HIBADH: variants seen among roughly 807,000 people sequenced by gnomAD.
HIBADH encodes 3-hydroxyisobutyrate dehydrogenase, mitochondrial.
In HIBADH, 25 loss-of-function variants were observed where a neutral mutation model predicts 36.1. That is an observed-to-expected ratio of 0.69 (90% CI 0.50 to 0.97). The LOEUF is 0.97. Ranked by LOEUF, HIBADH falls within the 50% of genes least tolerant of loss-of-function variation. The pLI is 0.00. For missense variants in HIBADH, 421 were observed against 418.0 expected (o/e 1.01, Z -0.06); for synonymous variants, 160 against 149.5 (o/e 1.07, Z -0.51).
chr7:27,548,652 A>G (rs1242687548), intron 4 of HIBADH, among the ~76,000 whole-genome samples: 1 of 152,176 alleles, frequency 6.6e-6, no homozygotes, highest in Non-Finnish European at 1.5e-5. Flanking sequence ...AACTACTTGA[A>G]ATATGACCAT....
At chr7:27,552,880 T>C (rs980761567) in intron 4 of HIBADH, among the ~76,000 whole-genome samples, 3 of 152,330 alleles carry the variant, frequency 2.0e-5, no homozygotes, top group South Asian at 2.1e-4. Flanking sequence ...AATTGATAAA[T>C]AGAGCTCTGC....
intron 6 of HIBADH, among the ~76,000 whole-genome samples, chr7:27,536,055 G>A (rs1204978446): frequency 6.6e-6 from 1 of 152,048 alleles, no homozygotes. Flanking sequence ...TACTTTGCGG[G>A]AATTTACTAC....
At chr7:27,622,617 A>G (rs1481088026) in intron 4 of HIBADH, among the ~76,000 whole-genome samples, 1 of 152,186 alleles carries the variant, frequency 6.6e-6, no homozygotes, top group Non-Finnish European at 1.5e-5. Context: ...TACCATAGAA[A>G]TACAAAAGAT....
intron 5 of HIBADH, among the ~76,000 whole-genome samples, chr7:27,540,526 G>GT (rs1384333574): frequency 6.6e-6 from 1 of 152,216 alleles, no homozygotes; most frequent in Non-Finnish European, 1.5e-5. Flanking sequence ...CATCTGGACA[G>GT]TTTTTTCCAG....
At chr7:27,650,729 A>T (rs1786172919) in intron 1 of HIBADH, among the ~76,000 whole-genome samples, 1 of 135,098 alleles carries the variant, frequency 7.4e-6, no homozygotes, top group Non-Finnish European at 1.6e-5. Context: ...AAAAAAAAAA[A>T]AGCCTTAAAA....
chr7:27,553,371 A>C (rs748683285), intron 4 of HIBADH, among the ~76,000 whole-genome samples: 5 of 152,226 alleles, frequency 3.3e-5, no homozygotes, highest in Admixed American at 6.5e-5. Context: ...GGCAGCTGCT[A>C]CATTTGCAGA....
intron 4 of HIBADH, among the ~76,000 whole-genome samples, chr7:27,554,266 G>A (rs1334346713): frequency 3.9e-5 from 6 of 152,202 alleles, no homozygotes; most frequent in Non-Finnish European, 8.8e-5. Context: ...GATTACAGGC[G>A]CGAGCCACCG....
chr7:27,639,699 T>C (rs1368597830), intron 2 of HIBADH, among the ~76,000 whole-genome samples: 1 of 152,074 alleles, frequency 6.6e-6, no homozygotes, highest in Non-Finnish European at 1.5e-5. Flanking sequence ...TAAATGCTTA[T>C]ATAATAAAAA....
chr7:27,625,876 C>G (rs1257840533), intron 4 of HIBADH, among the ~76,000 whole-genome samples: 1 of 151,860 alleles, frequency 6.6e-6, no homozygotes, highest in Non-Finnish European at 1.5e-5. Context: ...CTAAGGAGGG[C>G]AGAACACCTA....
In HIBADH at chr7:27,577,164, C is replaced by CTTTTTTTTTTTTTTTTT. The variant is rs35467427; in HGVS notation, c.485-34065_485-34064insAAAAAAAAAAAAAAAAA. ...TGTGAACTTTCCAAGCATCATTTCT[C>CTTTTTTTTTTTTTTTTT]TCTTTTTTTTTTTTTTGAGATGGAG... On this transcript the variant is annotated intron_variant, in intron 4 of 7. Coordinates refer to ENST00000265395, the MANE Select transcript of HIBADH (RefSeq NM_152740.4). Among the ~76,000 whole-genome samples, 2 of 143,888 alleles carry CTTTTTTTTTTTTTTTTT rather than the reference C, an allele frequency of 1.4e-5. 1 individual carries two copies. 94.4% of individuals were successfully genotyped at this position (143,888 alleles called of 152,430 possible). A position where few individuals can be genotyped will look rare whatever the true frequency, so the allele number is the denominator to read the frequency against.
At chr7:27,657,609 G>T (rs1251985142) in intron 1 of HIBADH, among the ~76,000 whole-genome samples, 1 of 152,072 alleles carries the variant, frequency 6.6e-6, no homozygotes, top group Non-Finnish European at 1.5e-5. Context: ...GAATGTGAAT[G>T]AAGATAAAGT....
chr7:27,627,193 T>G (rs1045185172), intron 4 of HIBADH, among the ~76,000 whole-genome samples: 5 of 152,190 alleles, frequency 3.3e-5, no homozygotes, highest in African/African-American at 1.2e-4. Flanking sequence ...TGGACCTTTT[T>G]ACCCAAGAAT....
In HIBADH at chr7:27,649,632, C is replaced by T. The variant is rs1387911386; in HGVS notation, c.93G>A (p.Val31=). The T allele has an allele frequency of 6.3e-7, 1 of 1,594,376 alleles. No individual in the cohort carries two copies. Among genetic ancestry groups the T allele is most frequent in the Admixed American group, 1.7e-5 (1 of 57,622 alleles). The change falls in exon 2 of 8, where the codon GTG becomes GTA. Residue 31 remains valine, a splice_region_variant and synonymous_variant. Transcript: ENST00000265395. ...LRPAAGSFAA[V]CSRSVASKTP... ...TCTTTGAAGCCACTGACCTAGAACA[C>T]ACTGATTTCAATACATTATTTTCAA...
At chr7:27,542,891 A>G in intron 5 of HIBADH, 76 bp downstream of exon 5, 1 of 1,415,518 alleles carries the variant, frequency 7.1e-7, no homozygotes, top group Non-Finnish European at 9.7e-7. Context: ...AAGAATAAAA[A>G]TATGGTCAGG....
At chr7:27,644,274 G>A (rs975036023) in intron 2 of HIBADH, among the ~76,000 whole-genome samples, 2 of 151,760 alleles carry the variant, frequency 1.3e-5, no homozygotes, top group Non-Finnish European at 2.9e-5. Flanking sequence ...GACCATCCTG[G>A]CCAACATGGT....
rs78201795 is a variant in HIBADH, at chr7:27,626,378, G to C, written c.484+2993C>G. Among the ~76,000 whole-genome samples, 373 of 152,174 alleles carry C rather than the reference G, an allele frequency of 2.5e-3. 2 individuals are homozygous for C. The highest frequency in any genetic ancestry group is 8.4e-3 in the African/African-American group (347 of 41,528). The stretch of plus-strand genomic sequence containing the variant: ...AAATATTAAAGTGGTTCTTCACATT[G>C]GTTTCAGGATGATAAACATAACAGT... On this transcript the variant is annotated intron_variant, in intron 4 of 7. Transcript: ENST00000265395.
At chr7:27,631,439 G>A (rs10951175) in intron 3 of HIBADH, among the ~76,000 whole-genome samples, 108,642 of 152,130 alleles carry the variant, frequency 0.71, 38,923 homozygotes, top group East Asian at 0.94. Flanking sequence ...ACAGTTTCCT[G>A]AAATTACACC....
chr7:27,649,935 G>A (rs1414052509), intron 1 of HIBADH, among the ~76,000 whole-genome samples: 1 of 151,130 alleles, frequency 6.6e-6, no homozygotes, highest in East Asian at 1.9e-4. Flanking sequence ...TTAAACTAAT[G>A]GACCTAACCA....
intron 2 of HIBADH, among the ~76,000 whole-genome samples, chr7:27,642,322 CTTA>C (rs1302028713): frequency 1.3e-5 from 2 of 152,076 alleles, no homozygotes; most frequent in Admixed American, 1.3e-4. Flanking sequence ...TTAAGAGTTG[CTTA>C]TTTTTTTCTT....
Sources: gnomAD v4.1 joint callset for allele counts (sites outside exome capture counted in the v4.1 genomes callset) on GRCh38, gnomAD v4.1.1 for gene constraint, MANE v1.5 for transcripts, NCBI Gene and HGNC (gene_info 2026-07-23, HGNC 2026-07-21) for gene names.